The following LPCAT1 variants were observed in gnomAD, a reference collection of about 807,000 sequenced individuals.
LPCAT1 encodes the protein lysophosphatidylcholine acyltransferase 1, also known as 1-acylglycerol-3-phosphate O-acyltransferase.
A neutral mutation model predicts 60.9 loss-of-function variants in LPCAT1; 23 were observed. The observed-to-expected ratio is 0.38, with a 90% CI of 0.27 to 0.53. LPCAT1 has a LOEUF of 0.53. LPCAT1 is among the 20% of genes least tolerant of loss of function. The probability of loss-of-function intolerance (pLI) is 0.82; values close to 1 mark genes in which losing one functional copy is unlikely to be tolerated. For missense variants in LPCAT1, 622 were observed against 723.6 expected, an observed-to-expected ratio of 0.86 and a Z score of 1.61; for synonymous variants, 340 against 301.1, an observed-to-expected ratio of 1.13 and a Z score of -1.34.
chr5:1,494,569 C>A, intron 3 of LPCAT1, 131 bp downstream of exon 3: 1 of 814,548 alleles, frequency 1.2e-6, no homozygotes, highest in Non-Finnish European at 2.0e-6. Flanking sequence ...CAGAGGGGGT[C>A]TCACTCATTC....
intron 1 of LPCAT1, among the ~76,000 whole-genome samples, chr5:1,506,165 G>A (rs536848911): frequency 2.0e-5 from 3 of 152,318 alleles, no homozygotes; most frequent in African/African-American, 7.2e-5. Flanking sequence ...GGAGGGTGTG[G>A]CTCTGCTCTG....
intron 1 of LPCAT1, among the ~76,000 whole-genome samples, chr5:1,503,090 C>T (rs36982): frequency 0.33 from 50,323 of 152,042 alleles, 9,241 homozygotes; most frequent in Middle Eastern, 0.42. Flanking sequence ...CCTGTCAGTG[C>T]CCAGTGGTCA....
chr5:1,500,080 G>A (rs1361854815), intron 2 of LPCAT1, among the ~76,000 whole-genome samples: 2 of 152,272 alleles, frequency 1.3e-5, no homozygotes, highest in African/African-American at 2.4e-5. Context: ...ACATCACGCA[G>A]GCCAGCGGGC....
In LPCAT1 at chr5:1,523,929, G is replaced by T. The variant is rs988137814; in HGVS notation, c.-85C>A. 3.2e-6 allele frequency: 3 copies of T among 926,696 alleles called. No homozygotes were observed. Among genetic ancestry groups the T allele is most frequent in the Non-Finnish European group, 2.6e-6 (2 of 774,624 alleles). 57.4% of individuals were successfully genotyped at this position (926,696 alleles called of 1,614,324 possible). ...GCTAGCTGGGCGCGGGTCTCGGGGC[G>T]CGGGCCGAGGATGCGCGGCGGCTGG... On this transcript the variant is annotated 5_prime_UTR_variant, in exon 1 of 14. Transcript: ENST00000283415. The surrounding 1 kb of genome is among the most constrained non-coding windows in gnomAD (Gnocchi z 7.1).
At chr5:1,501,370 G>A in intron 2 of LPCAT1, 91 bp downstream of exon 2, 1 of 1,475,876 alleles carries the variant, frequency 6.8e-7, no homozygotes, top group Admixed American at 2.0e-5. Context: ...GGCTAGGGTG[G>A]AGACACACAA....
At chr5:1,490,689 C>A (rs949558478) in intron 3 of LPCAT1, among the ~76,000 whole-genome samples, 5 of 152,196 alleles carry the variant, frequency 3.3e-5, no homozygotes, top group Non-Finnish European at 7.3e-5. Context: ...GGTTGGGGTA[C>A]AAGGGACACC....
At position 1,488,372 on chromosome 5, in the gene LPCAT1, A is replaced by G. The variant is rs756583352; in HGVS notation, c.667+19T>C. 3.3e-6 allele frequency: 5 copies of G among 1,512,286 alleles called. No homozygotes were observed. Among genetic ancestry groups the G allele is most frequent in the South Asian group, 1.2e-5 (1 of 83,678 alleles). The allele number at this position is 1,512,286 out of a possible 1,614,324, so 93.7% of individuals were successfully genotyped here. On this transcript the variant is annotated intron_variant, in intron 5 of 13. Coordinates refer to ENST00000283415, the MANE Select transcript of LPCAT1 (RefSeq NM_024830.5). ...CCTTTTCTCTAGGAGAAAAATAAAC[A>G]TTTAAGAAAACTACATACCAGGTTT...
rs367828318 is a variant in LPCAT1, at chr5:1,483,368, C to T, written c.726+60G>A. On this transcript the variant is annotated intron_variant, in intron 6 of 13. Transcript: ENST00000283415. The surrounding 1 kb of genome is among the most constrained non-coding windows in gnomAD (Gnocchi z 9.2). ...GAGACACAGGTGCACAGAGGCAGCT[C>T]GCAGTTCCCGTTTCCCGGAGAATTC... 589 of 1,542,804 alleles carry T rather than the reference C, an allele frequency of 3.8e-4. No homozygotes were observed. The highest frequency in any genetic ancestry group is 5.3e-4 in the Admixed American group (32 of 59,918).
At chr5:1,518,801 C>G (rs953570860) in intron 1 of LPCAT1, among the ~76,000 whole-genome samples, 2 of 152,218 alleles carry the variant, frequency 1.3e-5, no homozygotes, top group Admixed American at 1.3e-4. Context: ...AGGCAAGAGG[C>G]CAGCATCATT....
rs759270315 is a variant in LPCAT1 at position 1,489,760 on chromosome 5, C to T, written c.592G>A (p.Gly198Arg). The T allele has an allele frequency of 1.1e-5, 18 of 1,612,950 alleles. No homozygotes were observed. The highest frequency in any genetic ancestry group is 2.2e-5 in the East Asian group (1 of 44,894). Residue 198 changes from glycine to arginine, a missense_variant, in exon 4 of 14, where the codon GGA becomes AGA. Coordinates refer to ENST00000283415, the MANE Select transcript of LPCAT1 (RefSeq NM_024830.5). ...EEIKRRAQSN[G>R]KWPQIMIFPE... is the part of the protein sequence containing the mutation. ...ACGTGCATTACCTGTGGCCACTTTC[C>T]GTTGGACTGCGCCCGTCTCTTGATT...
At position 1,522,964 on chromosome 5, in the gene LPCAT1, C is replaced by T. The variant is rs1331627129; in HGVS notation, c.135+746G>A. Reference sequence around the variant, plus strand: ...GGGTCTCCCCTCACCACTGTCCCATCGCAGGATCTCAGCAAACCGTTCCCT... The same window carrying T: ...GGGTCTCCCCTCACCACTGTCCCATTGCAGGATCTCAGCAAACCGTTCCCT... On this transcript the variant is annotated intron_variant, in intron 1 of 13. Transcript: ENST00000283415. The surrounding 1 kb of genome is among the most constrained non-coding windows in gnomAD (Gnocchi z 6.8). 6.6e-6 allele frequency among the ~76,000 whole-genome samples: 1 copy of T among 152,210 alleles called. No homozygotes were observed. The highest frequency in any genetic ancestry group is 1.5e-5 in the Non-Finnish European group (1 of 68,032).
Position 1,477,490 on chromosome 5 carries a change from A to G in LPCAT1, c.817-4T>C. ...AAGGGCTGTACACAGGAAGGAACTG[A>G]GCACACAGAGAAGCTGCGTTAGTAT... On this transcript the variant is annotated splice_region_variant and splice_polypyrimidine_tract_variant and intron_variant, in intron 8 of 13. Coordinates refer to ENST00000283415, the MANE Select transcript of LPCAT1 (RefSeq NM_024830.5). The surrounding 1 kb of genome is among the most constrained non-coding windows in gnomAD (Gnocchi z 6.0). 6.2e-7 allele frequency: 1 copy of G among 1,610,142 alleles called. No homozygotes were observed. The highest frequency in any genetic ancestry group is 8.5e-7 in the Non-Finnish European group (1 of 1,177,232).
intron 13 of LPCAT1, 62 bp from the exon 14 acceptor site, chr5:1,463,897 G>C: frequency 3.2e-6 from 5 of 1,572,530 alleles, no homozygotes; most frequent in Non-Finnish European, 4.3e-6. Context: ...AGGATTTGGA[G>C]GCTCTTTTCC....
intron 9 of LPCAT1, among the ~76,000 whole-genome samples, chr5:1,474,999 C>T (rs929237862): frequency 3.9e-5 from 6 of 152,166 alleles, no homozygotes; most frequent in Admixed American, 6.5e-5. Flanking sequence ...GCTCATGGTG[C>T]GAGAATTACC....
At chr5:1,519,453 C>T (rs1321911086) in intron 1 of LPCAT1, among the ~76,000 whole-genome samples, 4 of 152,214 alleles carry the variant, frequency 2.6e-5, no homozygotes, top group Non-Finnish European at 5.9e-5. Flanking sequence ...GCAAAGTTAA[C>T]CACAACTAAG....
rs1427817371 is a variant in LPCAT1, at chr5:1,522,097, A to G, written c.135+1613T>C. ...AAGAGAGAGCATGCCTGAGGCAGCC[A>G]TAGCTGGGGCAGGAGCAGGGCTGGG... On this transcript the variant is annotated intron_variant, in intron 1 of 13. Coordinates refer to ENST00000283415, the MANE Select transcript of LPCAT1 (RefSeq NM_024830.5). This position sits in a 1 kb window ranked among gnomAD's most constrained non-coding sequence, Gnocchi z 6.8. Among the ~76,000 whole-genome samples the G allele has an allele frequency of 6.6e-6, 1 of 152,168 alleles. No individual in the cohort carries two copies. The highest frequency in any genetic ancestry group is 6.5e-5 in the Admixed American group (1 of 15,284).
chr5:1,482,739 T>G (rs1403220909), intron 6 of LPCAT1, among the ~76,000 whole-genome samples: 53 of 65,418 alleles, frequency 8.1e-4, no homozygotes, highest in African/African-American at 1.2e-3. Context: ...GGGTGGGGTG[T>G]GGTGTGGTGG....
At chr5:1,494,993 G>A (rs1033438452) in intron 2 of LPCAT1, 79 bp from the exon 3 acceptor site, 23 of 1,348,698 alleles carry the variant, frequency 1.7e-5, no homozygotes, top group Non-Finnish European at 2.2e-5. Context: ...GCGGTCCCAC[G>A]GGAGAGCCCT....
Position 1,523,890 on chromosome 5 carries a change from C to T in LPCAT1, c.-46G>A, listed in dbSNP as rs1006635270. On this transcript the variant is annotated 5_prime_UTR_variant, in exon 1 of 14. Coordinates refer to ENST00000283415, the MANE Select transcript of LPCAT1 (RefSeq NM_024830.5). The surrounding 1 kb of genome is among the most constrained non-coding windows in gnomAD (Gnocchi z 7.1). The stretch of plus-strand genomic sequence containing the variant: ...AGCGCAGCCGAGCTGCCTGGGGCGC[C>T]GAGCGGGGCCGGGGCTAGCTGGGCG... 6.8e-6 allele frequency: 7 copies of T among 1,022,038 alleles called. No homozygotes were observed. Among genetic ancestry groups the T allele is most frequent in the Non-Finnish European group, 8.2e-6 (7 of 855,584 alleles). 63.3% of individuals were successfully genotyped at this position (1,022,038 alleles called of 1,614,324 possible).
Sources: allele counts gnomAD v4.1 joint callset (sites outside exome capture counted in the v4.1 genomes callset), GRCh38; gene constraint gnomAD v4.1.1; non-coding constraint Gnocchi (gnomAD v3.1); transcripts MANE v1.5; gene names NCBI Gene and HGNC (gene_info 2026-07-23, HGNC 2026-07-21).